The following NSDHL variants were observed in gnomAD, a reference collection of about 807,000 sequenced individuals.
The protein encoded by NSDHL is sterol-4-alpha-carboxylate 3-dehydrogenase, decarboxylating.
A neutral mutation model predicts 23.0 loss-of-function variants in NSDHL; 1 was observed. The ratio of observed to expected loss-of-function variants is 0.04; its 90% CI spans 0.02 to 0.21. The LOEUF is 0.21. Ranked by LOEUF, NSDHL falls within the 10% of genes least tolerant of loss-of-function variation. NSDHL has a pLI of 1.00. For synonymous variants in NSDHL, 128 were observed against 121.1 expected, an observed-to-expected ratio of 1.06 and a Z score of -0.37; for missense variants, 237 against 300.9, an observed-to-expected ratio of 0.79 and a Z score of 1.57.
chrX:152,861,813 T>C (rs1933533731), intron 4 of NSDHL, among the ~76,000 whole-genome samples: 1 of 112,893 alleles, frequency 8.9e-6, no homozygotes, highest in African/African-American at 3.2e-5. Context: ...GACGAGTTAA[T>C]TTTTGTATAT....
At chrX:152,851,862 C>T (rs1390582799) in intron 3 of NSDHL, among the ~76,000 whole-genome samples, 1 of 111,146 alleles carries the variant, frequency 9.0e-6, no homozygotes, top group East Asian at 2.8e-4. Flanking sequence ...CTACCAATGC[C>T]CTCGCCTCTC....
chrX:152,839,084 GTTTAA>G (rs1556844557), intron 1 of NSDHL, among the ~76,000 whole-genome samples: 8 of 111,794 alleles, frequency 7.2e-5, no homozygotes, highest in African/African-American at 2.6e-4. Context: ...ATCTTTGTTG[GTTTAA>G]AGTCTGTTTT....
At chrX:152,842,505 T>A (rs958974355) in intron 1 of NSDHL, among the ~76,000 whole-genome samples, 2 of 111,714 alleles carry the variant, frequency 1.8e-5, no homozygotes, top group Non-Finnish European at 3.8e-5. Context: ...ATTTTTTGTT[T>A]TTTGTTTTTT....
intron 1 of NSDHL, among the ~76,000 whole-genome samples, chrX:152,834,013 C>A (rs1038205133): frequency 1.1e-4 from 12 of 112,846 alleles, no homozygotes; most frequent in Non-Finnish European, 2.1e-4. Flanking sequence ...GGAAGAAGGA[C>A]GCTGTTTTAC....
intron 1 of NSDHL, 104 bp from the exon 2 acceptor site, chrX:152,846,178 T>C (rs1354317503): frequency 5.7e-6 from 3 of 524,300 alleles, no homozygotes; most frequent in Non-Finnish European, 1.0e-5. Context: ...GTTCAGCTAT[T>C]TGTAAAAACA....
rs782363821 is a variant in NSDHL at position 152,833,243 on chromosome X, A to T, written c.-44+2126A>T. The stretch of plus-strand genomic sequence containing the variant: ...AGCTATATTAGTGAAGTTTTAGGTG[A>T]GTCAAAAGTTATATGTGGATTTTTG... On this transcript the variant is annotated intron_variant, in intron 1 of 7. Transcript: ENST00000370274. Among the ~76,000 whole-genome samples the T allele has an allele frequency of 3.3e-4, 36 of 109,047 alleles. 1 individual carries two copies. The highest frequency in any genetic ancestry group is 1.1e-4 in the Non-Finnish European group (6 of 52,521). The allele number at this position is 109,047 out of a possible 115,157, so 94.7% of individuals were successfully genotyped here.
chrX:152,849,014 T>C (rs184086862), intron 2 of NSDHL, among the ~76,000 whole-genome samples: 91 of 111,883 alleles, frequency 8.1e-4, no homozygotes, highest in Non-Finnish European at 1.5e-3. Flanking sequence ...ATGGTGAGGC[T>C]GATTTTGTTA....
chrX:152,856,126 G>A (rs1316605246), intron 3 of NSDHL, among the ~76,000 whole-genome samples: 3 of 111,509 alleles, frequency 2.7e-5, no homozygotes, highest in Non-Finnish European at 5.6e-5. Flanking sequence ...TCCCCATTGC[G>A]TTTAACATGC....
At position 152,869,048 on chromosome X, in the gene NSDHL, C is replaced by T. The variant is rs142351862; in HGVS notation, c.1054C>T (p.Leu352=). ...CAAAAAGGCCATGGGCTACCAGCCA[C>T]TAGTGACCATGGATGATGCTATGGA... The part of the protein sequence containing the change: ...RAKKAMGYQP[L]VTMDDAMERT... The change falls in exon 8 of 8, where the codon CTA becomes TTA. Residue 352 remains leucine (L), a synonymous_variant. Transcript: ENST00000370274. 6,980 of 1,210,785 alleles carry T rather than the reference C, an allele frequency of 5.8e-3. 23 individuals are homozygous for T. The highest frequency in any genetic ancestry group is 0.011 in the Middle Eastern group (49 of 4,356).
At position 152,833,356 on chromosome X, in the gene NSDHL, G is replaced by T. The variant is rs782384945; in HGVS notation, c.-44+2239G>T. 5.1e-5 allele frequency among the ~76,000 whole-genome samples: 4 copies of T among 78,435 alleles called. No homozygotes were observed. In the South Asian group the frequency reaches 1.7e-3, roughly 33 times the overall value. The allele number at this position is 78,435 out of a possible 115,157, so 68.1% of individuals were successfully genotyped here. A position where few individuals can be genotyped will look rare whatever the true frequency, so the allele number is the denominator to read the frequency against. On this transcript the variant is annotated intron_variant, in intron 1 of 7. Transcript: ENST00000370274. Reference sequence around the variant, plus strand: ...TGATTTGCTCTTGTCATTCCCCCCCGCCCACCATGCCTGGAGCCTTAGACT... The same window carrying T: ...TGATTTGCTCTTGTCATTCCCCCCCTCCCACCATGCCTGGAGCCTTAGACT...
intron 1 of NSDHL, among the ~76,000 whole-genome samples, chrX:152,835,918 A>G (rs1933089195): frequency 8.9e-6 from 1 of 112,332 alleles, no homozygotes; most frequent in South Asian, 3.7e-4. Flanking sequence ...ACTCCCACCA[A>G]CAGTGTAAAA....
At chrX:152,842,795 C>G (rs1556845068) in intron 1 of NSDHL, among the ~76,000 whole-genome samples, 1 of 112,598 alleles carries the variant, frequency 8.9e-6, no homozygotes, top group African/African-American at 3.2e-5. Flanking sequence ...ATCCACCACG[C>G]CCAGCCTGTT....
At position 152,869,374 on chromosome X, in the gene NSDHL, T is replaced by G. The variant is rs1933672451; in HGVS notation, c.*258T>G. The G allele has an allele frequency of 2.0e-5, 8 of 409,610 alleles. No individual in the cohort carries two copies. In the East Asian group the frequency reaches 3.4e-4, roughly 18 times the overall value. The allele number at this position is 409,610 out of a possible 1,213,427, so 33.8% of individuals were successfully genotyped here. On this transcript the variant is annotated 3_prime_UTR_variant, in exon 8 of 8. Coordinates refer to ENST00000370274, the MANE Select transcript of NSDHL (RefSeq NM_015922.3). ...GATTTGTTCTCTGTCTTTTTGTGTC[T>G]CTCTGTTTACCCCCTCCCTTGCCCC...
At chrX:152,857,283 T>G (rs933966511) in intron 3 of NSDHL, among the ~76,000 whole-genome samples, 1 of 112,318 alleles carries the variant, frequency 8.9e-6, no homozygotes, top group Non-Finnish European at 1.9e-5. Context: ...TACAGATTAC[T>G]TATCAATTGC....
At chrX:152,866,223 C>T (rs1349162084) in intron 6 of NSDHL, among the ~76,000 whole-genome samples, 1 of 112,223 alleles carries the variant, frequency 8.9e-6, no homozygotes, top group African/African-American at 3.2e-5. Context: ...TCACCATGTC[C>T]TCACATGGTG....
At chrX:152,833,794 T>C (rs374252715) in intron 1 of NSDHL, among the ~76,000 whole-genome samples, 12 of 112,234 alleles carry the variant, frequency 1.1e-4, no homozygotes, top group African/African-American at 3.9e-4. Flanking sequence ...TGTGACTCTT[T>C]GCTTGCTCCT....
intron 6 of NSDHL, 105 bp downstream of exon 6, chrX:152,866,066 G>A: frequency 2.2e-6 from 2 of 916,848 alleles, no homozygotes; most frequent in South Asian, 4.0e-5. Flanking sequence ...TTTCTTATGT[G>A]ACTGTCTTGG....
intron 4 of NSDHL, among the ~76,000 whole-genome samples, chrX:152,859,501 T>G (rs1933495041): frequency 8.9e-6 from 1 of 112,186 alleles, no homozygotes; most frequent in African/African-American, 3.2e-5. Context: ...GTGTCTGGCT[T>G]TTCACCGAGC....
chrX:152,849,208 G>A (rs12845949), intron 2 of NSDHL, among the ~76,000 whole-genome samples: 22,612 of 111,452 alleles, frequency 0.2, 2,186 homozygotes, highest in Non-Finnish European at 0.3. Context: ...TGATGTTTAA[G>A]GAATAAGTAG....
Sources: gnomAD v4.1 joint callset for allele counts (sites outside exome capture counted in the v4.1 genomes callset) on GRCh38, gnomAD v4.1.1 for gene constraint, MANE v1.5 for transcripts, NCBI Gene and HGNC (gene_info 2026-07-23, HGNC 2026-07-21) for gene names.